The following YPEL2 variants were observed in gnomAD, a reference collection of about 807,000 sequenced individuals.
YPEL2 encodes protein yippee-like 2.
YPEL2 carries 2 observed loss-of-function variants against 19.1 expected under a neutral mutation model. The ratio of observed to expected loss-of-function variants is 0.10; its 90% CI spans 0.04 to 0.33. The LOEUF is 0.33. YPEL2 is among the 10% of genes least tolerant of loss of function. The pLI, the probability that YPEL2 is intolerant of heterozygous loss-of-function variation, is 1.00. For missense variants in YPEL2, 66 were observed against 140.7 expected (o/e 0.47, Z 2.68); for synonymous variants, 52 against 50.0 (o/e 1.04, Z -0.17).
chr17:59,386,433 A>G (rs1283407726), intron 2 of YPEL2, among the ~76,000 whole-genome samples: 2 of 152,116 alleles, frequency 1.3e-5, no homozygotes, highest in Admixed American at 6.5e-5. Context: ...GGAAAGCTTA[A>G]TGAAAGAGGG....
intron 2 of YPEL2, among the ~76,000 whole-genome samples, chr17:59,379,181 T>C (rs2047936685): frequency 6.6e-6 from 1 of 152,234 alleles, no homozygotes; most frequent in African/African-American, 2.4e-5. Context: ...CGGGTTCTAA[T>C]TCTGGAAGTT....
chr17:59,339,535 G>C (rs1463736456), intron 1 of YPEL2, among the ~76,000 whole-genome samples: 1 of 152,178 alleles, frequency 6.6e-6, no homozygotes, highest in Admixed American at 6.5e-5. Flanking sequence ...CTGAGAGTCT[G>C]AGGGTGTTTA....
intron 1 of YPEL2, among the ~76,000 whole-genome samples, chr17:59,347,746 A>G (rs2047763861): frequency 6.6e-6 from 1 of 152,186 alleles, no homozygotes; most frequent in Admixed American, 6.5e-5. Flanking sequence ...TCCCAGTGGT[A>G]TCATCTCAAA....
chr17:59,393,339 T>G (rs2048017760), intron 4 of YPEL2, among the ~76,000 whole-genome samples: 1 of 150,466 alleles, frequency 6.6e-6, no homozygotes, highest in African/African-American at 2.4e-5. Context: ...GTTTTTGTCA[T>G]GTTTCCCAGG....
chr17:59,333,715 TAA>T (rs1196341647), intron 1 of YPEL2, among the ~76,000 whole-genome samples: 1 of 152,210 alleles, frequency 6.6e-6, no homozygotes, highest in Non-Finnish European at 1.5e-5. Context: ...AGCATCGCTT[TAA>T]GGCAGAGGTC....
intron 1 of YPEL2, among the ~76,000 whole-genome samples, chr17:59,351,389 AAAAG>A (rs1418610601): frequency 1.3e-5 from 2 of 152,036 alleles, no homozygotes; most frequent in African/African-American, 2.4e-5. Context: ...AAAAGAAAGA[AAAAG>A]AAAGGTTGAG....
Position 59,400,726 on chromosome 17 carries a change from G to A in YPEL2, c.*3536G>A, listed in dbSNP as rs1000070867. The A allele has an allele frequency of 6.6e-6, 1 of 152,532 alleles. No individual in the cohort carries two copies. Among genetic ancestry groups the A allele is most frequent in the Non-Finnish European group, 1.5e-5 (1 of 68,016 alleles). 9.4% of individuals were successfully genotyped at this position (152,532 alleles called of 1,614,324 possible). A position where few individuals can be genotyped will look rare whatever the true frequency, so the allele number is the denominator to read the frequency against. On this transcript the variant is annotated 3_prime_UTR_variant, in exon 5 of 5. Coordinates refer to ENST00000312655, the MANE Select transcript of YPEL2 (RefSeq NM_001005404.4). The stretch of plus-strand genomic sequence containing the variant: ...AGAATTTCCAACAAATCAGAATCAC[G>A]TTTTTAGTTGTGCGTGTGCGCGCAC...
chr17:59,370,238 AT>A (rs35317463), intron 2 of YPEL2, among the ~76,000 whole-genome samples: 9,118 of 151,858 alleles, frequency 0.06, 311 homozygotes, highest in South Asian at 0.14. Context: ...AATTTTTTGT[AT>A]TTTTTAGTAG....
At chr17:59,373,735 A>T (rs1259289212) in intron 2 of YPEL2, among the ~76,000 whole-genome samples, 2 of 152,138 alleles carry the variant, frequency 1.3e-5, no homozygotes, top group African/African-American at 4.8e-5. Flanking sequence ...ACCATCAGAG[A>T]TCGCTTTAGT....
rs550697198 is a variant in YPEL2, at chr17:59,400,563, C to G, written c.*3373C>G. The G allele has an allele frequency of 6.6e-6, 1 of 152,164 alleles. No individual in the cohort carries two copies. Among genetic ancestry groups the G allele is most frequent in the Non-Finnish European group, 1.5e-5 (1 of 67,922 alleles). The allele number at this position is 152,164 out of a possible 1,614,324, so 9.4% of individuals were successfully genotyped here. A position where few individuals can be genotyped will look rare whatever the true frequency, so the allele number is the denominator to read the frequency against. ...AGCAATGCCTCTCTGCATTTTTTCC[C>G]CAGTGGAACAGACTCTGCAGTACAT... On this transcript the variant is annotated 3_prime_UTR_variant, in exon 5 of 5. Transcript: ENST00000312655.
chr17:59,343,769 G>A (rs2047742845), intron 1 of YPEL2, among the ~76,000 whole-genome samples: 1 of 152,166 alleles, frequency 6.6e-6, no homozygotes, highest in Non-Finnish European at 1.5e-5. Context: ...AAGCTACTAG[G>A]AAACCACTGG....
chr17:59,394,670 C>T (rs1160434864), intron 4 of YPEL2, among the ~76,000 whole-genome samples: 1 of 152,134 alleles, frequency 6.6e-6, no homozygotes, highest in Non-Finnish European at 1.5e-5. Flanking sequence ...AGAGGCTCCT[C>T]ACTTCCCAGA....
At chr17:59,347,379 A>T (rs2047761608) in intron 1 of YPEL2, among the ~76,000 whole-genome samples, 1 of 152,100 alleles carries the variant, frequency 6.6e-6, no homozygotes, top group African/African-American at 2.4e-5. Flanking sequence ...CTTCTGCCTC[A>T]GCCTCCCGAA....
chr17:59,353,982 T>G lies in YPEL2; in HGVS notation c.117+456T>G. The G allele has an allele frequency of 3.7e-6, 1 of 270,604 alleles. No individual in the cohort carries two copies. 16.8% of individuals were successfully genotyped at this position (270,604 alleles called of 1,614,324 possible). On this transcript the variant is annotated intron_variant, in intron 2 of 4. Transcript: ENST00000312655. The surrounding 1 kb of genome is among the most constrained non-coding windows in gnomAD (Gnocchi z 4.8). ...GTGGAATTACTAAAATGGGTGGCTT[T>G]TGGCAGGGACCAAAAGTGGCTTGTT...
intron 4 of YPEL2, among the ~76,000 whole-genome samples, chr17:59,390,923 T>A (rs983605583): frequency 2.0e-5 from 3 of 152,248 alleles, no homozygotes; most frequent in Non-Finnish European, 4.4e-5. Context: ...AGAGTTGGTT[T>A]GAGTGTTAAA....
chr17:59,395,731 C>G (rs1024192295), intron 4 of YPEL2, among the ~76,000 whole-genome samples: 1 of 152,124 alleles, frequency 6.6e-6, no homozygotes, highest in Non-Finnish European at 1.5e-5. Flanking sequence ...TCTGGCCTCA[C>G]GGTATTTTGT....
intron 2 of YPEL2, among the ~76,000 whole-genome samples, chr17:59,382,071 C>T (rs1490465896): frequency 6.6e-6 from 1 of 152,204 alleles, no homozygotes; most frequent in African/African-American, 2.4e-5. Flanking sequence ...TTTTTCTCAT[C>T]ATAAATGTTG....
chr17:59,344,979 A>G (rs780588718), intron 1 of YPEL2, among the ~76,000 whole-genome samples: 1 of 152,086 alleles, frequency 6.6e-6, no homozygotes, highest in Admixed American at 6.5e-5. Context: ...TTGGGATGAA[A>G]CTGTTCCACC....
intron 3 of YPEL2, 47 bp from the exon 4 acceptor site, chr17:59,389,313 G>T: frequency 6.6e-7 from 1 of 1,526,292 alleles, no homozygotes. Flanking sequence ...AATGCCTGAT[G>T]TGCGTGTCAC....
Sources: gnomAD v4.1 joint callset for allele counts (sites outside exome capture counted in the v4.1 genomes callset) on GRCh38, gnomAD v4.1.1 for gene constraint, Gnocchi (gnomAD v3.1) non-coding constraint, MANE v1.5 for transcripts, NCBI Gene and HGNC (gene_info 2026-07-23, HGNC 2026-07-21) for gene names.